Variants in TENM2 observed in about 807,000 individuals in gnomAD.
TENM2 encodes the protein teneurin-2.
TENM2 carries 52 observed loss-of-function variants against 245.2 expected under a neutral mutation model. That is an observed-to-expected ratio of 0.21 (90% CI 0.17 to 0.27). The LOEUF is 0.27. TENM2 is among the 10% of genes least tolerant of loss of function. The pLI, the probability that TENM2 is intolerant of heterozygous loss-of-function variation, is 1.00. For missense variants in TENM2, 3,046 were observed against 3,666.8 expected (o/e 0.83, Z 4.37); for synonymous variants, 1,363 against 1,438.9 (o/e 0.95, Z 1.19).
chr5:167,021,676 G>A, the TENM2 span, among the ~76,000 whole-genome samples: 1 of 152,172 alleles, frequency 6.6e-6, no homozygotes, highest in Non-Finnish European at 1.5e-5. Context: ...TCAGTGTTCT[G>A]TAAAACTGAT....
At chr5:167,348,415 C>T (rs2127833489) in intron 1 of TENM2, among the ~76,000 whole-genome samples, 1 of 152,214 alleles carries the variant, frequency 6.6e-6, no homozygotes, top group Middle Eastern at 3.4e-3. Flanking sequence ...CAGCTGTGGG[C>T]CATTGACGAG....
At chr5:167,327,821 T>C (rs1373260962) in intron 1 of TENM2, among the ~76,000 whole-genome samples, 1 of 152,126 alleles carries the variant, frequency 6.6e-6, no homozygotes, top group African/African-American at 2.4e-5. Context: ...TCATGAGAAG[T>C]TATAAGTCAG....
intron 1 of TENM2, among the ~76,000 whole-genome samples, chr5:167,350,646 G>GTGGATATA (rs1554137788): frequency 2.5e-5 from 3 of 120,010 alleles, no homozygotes; most frequent in African/African-American, 9.3e-5. Flanking sequence ...TATGGGATAC[G>GTGGATATA]TATATGGATA....
rs188568937 is a variant in TENM2, at chr5:167,424,255, G to C, written c.502+48782G>C. On this transcript the variant is annotated intron_variant, in intron 2 of 28. Coordinates refer to ENST00000518659, the Ensembl canonical transcript of TENM2. ...CCGTTTACCCAGGCAGAATAAATCA[G>C]TTCCTTTCTGCAGCAGCCCCAGAGT... 3.1e-3 allele frequency among the ~76,000 whole-genome samples: 468 copies of C among 152,102 alleles called. 3 individuals carry two copies. The highest frequency in any genetic ancestry group is 5.9e-3 in the Admixed American group (90 of 15,248).
At chr5:167,304,323 T>C (rs1220381534) in intron 1 of TENM2, among the ~76,000 whole-genome samples, 1 of 152,220 alleles carries the variant, frequency 6.6e-6, no homozygotes, top group Non-Finnish European at 1.5e-5. Context: ...TCCCTTTCCT[T>C]GTCTCTGCCA....
chr5:168,039,818 G>T (rs1009556896), intron 5 of TENM2, among the ~76,000 whole-genome samples: 1 of 151,886 alleles, frequency 6.6e-6, no homozygotes, highest in Non-Finnish European at 1.5e-5. Flanking sequence ...AGGTCACCTC[G>T]GCACACCAGA....
At chr5:168,071,227 T>C (rs1057343712) in intron 7 of TENM2, among the ~76,000 whole-genome samples, 2 of 152,230 alleles carry the variant, frequency 1.3e-5, no homozygotes, top group East Asian at 3.8e-4. Context: ...GTAAATGAAA[T>C]AATCTTTATA....
chr5:167,664,679 T>C (rs1755454904), intron 2 of TENM2, among the ~76,000 whole-genome samples: 1 of 152,234 alleles, frequency 6.6e-6, no homozygotes, highest in Non-Finnish European at 1.5e-5. Flanking sequence ...GTTACTTAGA[T>C]ATATTTTAAG....
chr5:167,594,593 G>C (rs905678080), intron 2 of TENM2, among the ~76,000 whole-genome samples: 5 of 152,194 alleles, frequency 3.3e-5, no homozygotes, highest in Middle Eastern at 6.8e-3. Context: ...GTTTTTATTT[G>C]TTAAAAAGAG....
At position 167,640,841 on chromosome 5, in the gene TENM2, C is replaced by CT. The variant is rs1491208872; in HGVS notation, c.503-235145_503-235144insT. On this transcript the variant is annotated intron_variant, in intron 2 of 28. Transcript: ENST00000518659. ...AAAATAGAAATAGAAATATATATAT[C>CT]CATATATATATATATATCCATATAT... is the stretch of plus-strand genomic sequence containing the variant. Among the ~76,000 whole-genome samples, 40 of 7,382 alleles carry CT rather than the reference C, an allele frequency of 5.4e-3. 1 individual carries two copies. In the South Asian group the frequency reaches 0.13, roughly 23 times the overall value. 4.8% of individuals were successfully genotyped at this position (7,382 alleles called of 152,430 possible). A position where few individuals can be genotyped will look rare whatever the true frequency, so the allele number is the denominator to read the frequency against.
At position 167,650,442 on chromosome 5, in the gene TENM2, C is replaced by A. The variant is rs989989480; in HGVS notation, c.503-225544C>A. ...GAAATATATTTAACTTTTATGAGAT[C>A]CCCGTAATACATCTTTAATGCTGAT... On this transcript the variant is annotated intron_variant, in intron 2 of 28. Coordinates refer to ENST00000518659, the Ensembl canonical transcript of TENM2. Among the ~76,000 whole-genome samples the A allele has an allele frequency of 3.0e-4, 46 of 152,158 alleles. 1 individual carries two copies. The highest frequency in any genetic ancestry group is 4.0e-4 in the Non-Finnish European group (27 of 68,000).
Position 168,072,185 on chromosome 5 carries a change from A to G in TENM2, c.1515+9920A>G, listed in dbSNP as rs150374511. ...CATTGCTAAAGACAATTAGATGGGA[A>G]TGTGCAGTAAATAAGAAATCACATC... On this transcript the variant is annotated intron_variant, in intron 7 of 28. Transcript: ENST00000518659. Among the ~76,000 whole-genome samples, 994 of 152,350 alleles carry G rather than the reference A, an allele frequency of 6.5e-3. 9 individuals carry two copies. Among genetic ancestry groups the G allele is most frequent in the African/African-American group, 0.023 (958 of 41,586 alleles).
chr5:167,894,183 A>G (rs1442526854), intron 3 of TENM2, among the ~76,000 whole-genome samples: 1 of 152,086 alleles, frequency 6.6e-6, no homozygotes, highest in Non-Finnish European at 1.5e-5. Context: ...ATCACAGATG[A>G]TGGATGGATG....
At position 167,428,036 on chromosome 5, in the gene TENM2, C is replaced by A. The variant is rs541085222; in HGVS notation, c.502+52563C>A. Among the ~76,000 whole-genome samples, 4 of 152,270 alleles carry A rather than the reference C, an allele frequency of 2.6e-5. No homozygotes were observed. In the South Asian group the frequency reaches 8.3e-4, roughly 32 times the overall value. On this transcript the variant is annotated intron_variant, in intron 2 of 28. Transcript: ENST00000518659. The stretch of plus-strand genomic sequence containing the variant: ...TGGTATTCTAGTGTATTTTTCCATT[C>A]AGATTCACTAATTCAGAATTTTCTC...
chr5:167,320,319 A>G (rs1756631358), intron 1 of TENM2, among the ~76,000 whole-genome samples: 1 of 152,236 alleles, frequency 6.6e-6, no homozygotes, highest in South Asian at 2.1e-4. Context: ...TAGTCCAGGC[A>G]GTACAAAAAC....
At chr5:167,644,705 A>G (rs1350437712) in intron 2 of TENM2, among the ~76,000 whole-genome samples, 3 of 152,206 alleles carry the variant, frequency 2.0e-5, no homozygotes, top group African/African-American at 7.2e-5. Flanking sequence ...TGTCAGAGCC[A>G]GGACTTAAGT....
chr5:167,847,866 GCTTCCGTT>G (rs1197032730), intron 2 of TENM2, among the ~76,000 whole-genome samples: 2 of 151,974 alleles, frequency 1.3e-5, no homozygotes, highest in Non-Finnish European at 2.9e-5. Flanking sequence ...TTTTATATTT[GCTTCCGTT>G]CAGTCATATT....
chr5:167,346,560 C>T (rs1261175071), intron 1 of TENM2, among the ~76,000 whole-genome samples: 1 of 152,184 alleles, frequency 6.6e-6, no homozygotes, highest in Non-Finnish European at 1.5e-5. Context: ...ATTTCATCCT[C>T]TGATAATCAG....
At chr5:167,365,505 T>G (rs1249094161) in intron 1 of TENM2, among the ~76,000 whole-genome samples, 32 of 150,662 alleles carry the variant, frequency 2.1e-4, no homozygotes, top group Admixed American at 2.1e-3. Context: ...AAAATAAAAC[T>G]CCAGTAAGAA....
Sources: allele counts gnomAD v4.1 joint callset (sites outside exome capture counted in the v4.1 genomes callset), GRCh38; gene constraint gnomAD v4.1.1; transcripts MANE v1.5; gene names NCBI Gene and HGNC (gene_info 2026-07-23, HGNC 2026-07-21).